Variants in FHIT observed in about 807,000 individuals in gnomAD.
FHIT encodes the protein fragile histidine triad diadenosine triphosphatase.
A neutral mutation model predicts 17.9 loss-of-function variants in FHIT; 19 were observed. The observed-to-expected ratio is 1.06, with a 90% CI of 0.74 to 1.56. The LOEUF is 1.56. Ranked by LOEUF, FHIT falls within the 40% of genes most tolerant of loss-of-function variation. FHIT has a pLI of 0.00. For missense variants in FHIT, 248 were observed against 189.2 expected, an observed-to-expected ratio of 1.31 and a Z score of -1.82; for synonymous variants, 81 against 69.7, an observed-to-expected ratio of 1.16 and a Z score of -0.81.
chr3:60,014,267 A>G (rs1398475013), intron 5 of FHIT, 115 bp from the exon 6 acceptor site: 19 of 962,738 alleles, frequency 2.0e-5, no homozygotes, highest in Non-Finnish European at 2.9e-5. Context: ...CTCAAAGACT[A>G]AGGAATGAAG....
intron 5 of FHIT, among the ~76,000 whole-genome samples, chr3:60,079,414 G>T (rs1703177465): frequency 6.6e-6 from 1 of 152,000 alleles, no homozygotes. Flanking sequence ...TTGAGAAGAG[G>T]GGTTATTTTT....
At chr3:59,946,974 T>C (rs1223667253) in intron 7 of FHIT, among the ~76,000 whole-genome samples, 1 of 152,212 alleles carries the variant, frequency 6.6e-6, no homozygotes, top group Non-Finnish European at 1.5e-5. Context: ...TGAACTTTTC[T>C]ATTTTTATTG....
rs544552738 is a variant in FHIT at position 61,214,713 on chromosome 3, A to C, written c.-212-14048T>G. Reference sequence around the variant, plus strand: ...GGCAGAGACACAACCAAAAGAGAGAATTTTAGACCAATATCCTTGATGAAC... The same window carrying C: ...GGCAGAGACACAACCAAAAGAGAGACTTTTAGACCAATATCCTTGATGAAC... On this transcript the variant is annotated intron_variant, in intron 1 of 9. Transcript: ENST00000492590. 7.2e-5 allele frequency among the ~76,000 whole-genome samples: 11 copies of C among 152,328 alleles called. No individual in the cohort carries two copies. The East Asian group carries it at 2.1e-3, about 29-fold the overall frequency.
At chr3:60,262,963 T>C (rs1177663009) in intron 5 of FHIT, among the ~76,000 whole-genome samples, 2 of 151,878 alleles carry the variant, frequency 1.3e-5, no homozygotes, top group Non-Finnish European at 2.9e-5. Context: ...ATATTTTTAA[T>C]GCAAATACTT....
At chr3:60,487,292 G>A (rs1394110125) in intron 5 of FHIT, among the ~76,000 whole-genome samples, 1 of 152,176 alleles carries the variant, frequency 6.6e-6, no homozygotes, top group Admixed American at 6.5e-5. Flanking sequence ...AACACACTGA[G>A]CAGCTCTAGG....
chr3:61,161,208 CTT>C (rs767907012), intron 2 of FHIT, among the ~76,000 whole-genome samples: 28 of 139,156 alleles, frequency 2.0e-4, no homozygotes, highest in Admixed American at 5.1e-4. Flanking sequence ...AAACAAATTG[CTT>C]TTTTTTTTTT....
At chr3:59,772,101 T>G (rs1455376704) in intron 8 of FHIT, among the ~76,000 whole-genome samples, 1 of 152,200 alleles carries the variant, frequency 6.6e-6, no homozygotes, top group Non-Finnish European at 1.5e-5. Context: ...TGTATCTCCA[T>G]GTTAGCACAC....
chr3:60,932,270 T>C (rs1253058514), intron 3 of FHIT, among the ~76,000 whole-genome samples: 2 of 152,194 alleles, frequency 1.3e-5, no homozygotes, highest in Non-Finnish European at 2.9e-5. Flanking sequence ...GATAAGTGCC[T>C]TATCCTACAG....
chr3:60,895,652 TCC>T (rs1705754457), intron 3 of FHIT, among the ~76,000 whole-genome samples: 5 of 129,162 alleles, frequency 3.9e-5, no homozygotes, highest in Non-Finnish European at 7.8e-5. Context: ...TTCCTTTCCC[TCC>T]TTCCTTCCTT....
intron 5 of FHIT, among the ~76,000 whole-genome samples, chr3:60,428,896 C>A (rs760722343): frequency 2.6e-5 from 4 of 152,050 alleles, no homozygotes; most frequent in African/African-American, 9.7e-5. Flanking sequence ...GAATGGGATT[C>A]TTTTGAACAA....
intron 7 of FHIT, among the ~76,000 whole-genome samples, chr3:59,991,502 T>G (rs1709231591): frequency 6.6e-6 from 1 of 152,032 alleles, no homozygotes; most frequent in African/African-American, 2.4e-5. Flanking sequence ...CTAATTTCAC[T>G]TGTCTCACCC....
At position 59,920,880 on chromosome 3, in the gene FHIT, G is replaced by T. The variant is rs963242830; in HGVS notation, c.348+1466C>A. On this transcript the variant is annotated intron_variant, in intron 8 of 9. Transcript: ENST00000492590. Reference sequence around the variant, plus strand: ...TTCAAATTATAGTTTTACAGAAAATGGCTTTGTAAAACCCAGAGAGCCTAT... The same window carrying T: ...TTCAAATTATAGTTTTACAGAAAATTGCTTTGTAAAACCCAGAGAGCCTAT... Among the ~76,000 whole-genome samples the T allele has an allele frequency of 2.6e-5, 4 of 152,108 alleles. No individual in the cohort carries two copies. The South Asian group carries it at 6.2e-4, about 24-fold the overall frequency.
intron 4 of FHIT, among the ~76,000 whole-genome samples, chr3:60,736,296 C>T (rs1375523763): frequency 3.9e-5 from 6 of 152,048 alleles, no homozygotes; most frequent in Non-Finnish European, 8.8e-5. Context: ...GTATATACCT[C>T]TGAGGAAATA....
intron 2 of FHIT, among the ~76,000 whole-genome samples, chr3:61,192,346 G>A (rs901251801): frequency 6.6e-6 from 1 of 152,202 alleles, no homozygotes; most frequent in Non-Finnish European, 1.5e-5. Flanking sequence ...AATTGACAGT[G>A]CTTAGCAATC....
At chr3:60,202,842 T>C (rs1187994777) in intron 5 of FHIT, among the ~76,000 whole-genome samples, 6 of 152,130 alleles carry the variant, frequency 3.9e-5, no homozygotes, top group Non-Finnish European at 7.4e-5. Flanking sequence ...CATTTGTAGA[T>C]ATTTTTTCAA....
intron 4 of FHIT, among the ~76,000 whole-genome samples, chr3:60,642,729 C>T (rs1553685688): frequency 6.6e-6 from 1 of 152,134 alleles, no homozygotes; most frequent in African/African-American, 2.4e-5. Context: ...CTTCCCCCCA[C>T]CTCCCCCGCT....
intron 2 of FHIT, among the ~76,000 whole-genome samples, chr3:61,049,215 A>G (rs956881802): frequency 2.4e-4 from 36 of 151,442 alleles, no homozygotes; most frequent in African/African-American, 8.5e-4. Flanking sequence ...TGAATGCCTA[A>G]TAACTTCTAG....
intron 5 of FHIT, among the ~76,000 whole-genome samples, chr3:60,504,968 C>T (rs2034668819): frequency 6.6e-6 from 1 of 152,172 alleles, no homozygotes; most frequent in Non-Finnish European, 1.5e-5. Flanking sequence ...AGCATGACAA[C>T]ATCAAGAAAA....
chr3:59,964,889 A>G (rs1559503693), intron 7 of FHIT, among the ~76,000 whole-genome samples: 1 of 152,300 alleles, frequency 6.6e-6, no homozygotes, highest in South Asian at 2.1e-4. Context: ...CAGCATCTTA[A>G]ACTCAGCATG....
Sources: gnomAD v4.1 joint callset for allele counts (sites outside exome capture counted in the v4.1 genomes callset) on GRCh38, gnomAD v4.1.1 for gene constraint, MANE v1.5 for transcripts, NCBI Gene and HGNC (gene_info 2026-07-23, HGNC 2026-07-21) for gene names.